The following IL1RAPL2 variants were observed in gnomAD, a reference collection of about 807,000 sequenced individuals.
The protein encoded by IL1RAPL2 is interleukin 1 receptor accessory protein like 2.
Under a neutral mutation model 44.1 loss-of-function variants are expected in IL1RAPL2, and 3 were observed. That is an observed-to-expected ratio of 0.07 (90% CI 0.03 to 0.18). The LOEUF is 0.18. Among genes scored for constraint, IL1RAPL2 ranks in the 10% least tolerant of loss-of-function variants. IL1RAPL2 has a pLI of 1.00. For synonymous variants in IL1RAPL2, 181 were observed against 178.8 expected, an observed-to-expected ratio of 1.01 and a Z score of -0.10; for missense variants, 391 against 496.4, an observed-to-expected ratio of 0.79 and a Z score of 2.02.
chrX:105,489,705 T>TTTCC (rs1278694212), intron 6 of IL1RAPL2, among the ~76,000 whole-genome samples: 3 of 108,729 alleles, frequency 2.8e-5, no homozygotes, highest in African/African-American at 6.8e-5. Flanking sequence ...TTTCTTTTTC[T>TTTCC]TTCCTTCCTT....
chrX:104,744,286 T>A (rs1811003576), intron 2 of IL1RAPL2, among the ~76,000 whole-genome samples: 1 of 111,632 alleles, frequency 9.0e-6, no homozygotes, highest in African/African-American at 3.2e-5. Flanking sequence ...CATTTAAATA[T>A]TTATGAAAAT....
At chrX:104,602,328 C>G (rs147761252) in intron 1 of IL1RAPL2, among the ~76,000 whole-genome samples, 29 of 111,707 alleles carry the variant, frequency 2.6e-4, no homozygotes, top group South Asian at 1.1e-3. Flanking sequence ...ATTCACAACC[C>G]GCAAACCAGG....
chrX:104,949,602 G>T (rs1276124339), intron 2 of IL1RAPL2, among the ~76,000 whole-genome samples: 1 of 107,501 alleles, frequency 9.3e-6, no homozygotes, highest in African/African-American at 3.4e-5. Flanking sequence ...GCATCCCAGA[G>T]ATTCTGGTAT....
intron 2 of IL1RAPL2, among the ~76,000 whole-genome samples, chrX:104,818,393 A>C (rs1383171052): frequency 9.2e-6 from 1 of 108,355 alleles, no homozygotes; most frequent in African/African-American, 3.4e-5. Flanking sequence ...TGGAGATCAC[A>C]GAATTGTGAT....
intron 2 of IL1RAPL2, among the ~76,000 whole-genome samples, chrX:104,677,436 A>C (rs1930793890): frequency 9.0e-6 from 1 of 111,168 alleles, no homozygotes; most frequent in Admixed American, 9.5e-5. Flanking sequence ...GACCCACTTG[A>C]GGAGGCAGTC....
intron 2 of IL1RAPL2, among the ~76,000 whole-genome samples, chrX:104,863,290 A>C (rs1397766371): frequency 1.8e-5 from 2 of 111,747 alleles, no homozygotes; most frequent in Non-Finnish European, 3.8e-5. Context: ...CAGTTGATAA[A>C]TGTGGATCAT....
intron 1 of IL1RAPL2, among the ~76,000 whole-genome samples, chrX:104,599,164 T>G (rs1928824136): frequency 8.9e-6 from 1 of 112,219 alleles, no homozygotes; most frequent in African/African-American, 3.2e-5. Context: ...CCATAGGACC[T>G]GGAAGAATGA....
chrX:105,226,715 T>C (rs1482378607), intron 3 of IL1RAPL2, among the ~76,000 whole-genome samples: 2 of 110,365 alleles, frequency 1.8e-5, no homozygotes, highest in Non-Finnish European at 3.8e-5. Flanking sequence ...GTTACCATTC[T>C]TAACACTTGC....
intron 2 of IL1RAPL2, among the ~76,000 whole-genome samples, chrX:105,068,313 A>G (rs1331663819): frequency 9.0e-6 from 1 of 111,423 alleles, no homozygotes. Flanking sequence ...ACAGTCTTTT[A>G]TTAGTAAAGT....
chrX:104,791,587 T>C (rs1932826643), intron 2 of IL1RAPL2, among the ~76,000 whole-genome samples: 1 of 111,739 alleles, frequency 8.9e-6, no homozygotes, highest in Non-Finnish European at 1.9e-5. Context: ...CCAGGAGAAA[T>C]GATGATCTTT....
At chrX:105,003,752 T>C (rs2030893380) in intron 2 of IL1RAPL2, among the ~76,000 whole-genome samples, 1 of 110,366 alleles carries the variant, frequency 9.1e-6, no homozygotes, top group Non-Finnish European at 1.9e-5. Context: ...TTGTTACTCA[T>C]GTTATTTTTC....
chrX:105,229,683 AACGAAC>A (rs1556193465), intron 3 of IL1RAPL2, among the ~76,000 whole-genome samples: 1 of 112,166 alleles, frequency 8.9e-6, no homozygotes, highest in Non-Finnish European at 1.9e-5. Flanking sequence ...GAGGTCAGGG[AACGAAC>A]ACATGAATGG....
At chrX:104,772,464 C>T (rs1932655475) in intron 2 of IL1RAPL2, among the ~76,000 whole-genome samples, 1 of 111,895 alleles carries the variant, frequency 8.9e-6, no homozygotes, top group Non-Finnish European at 1.9e-5. Context: ...TTATTTGGCT[C>T]AGACCTAAAG....
intron 5 of IL1RAPL2, among the ~76,000 whole-genome samples, chrX:105,296,214 A>G (rs1440523825): frequency 9.0e-6 from 1 of 110,840 alleles, no homozygotes; most frequent in Non-Finnish European, 1.9e-5. Flanking sequence ...GCTTAATTGT[A>G]CTACTTACTC....
At chrX:105,692,770 G>A (rs750385939) in intron 6 of IL1RAPL2, among the ~76,000 whole-genome samples, 5 of 110,717 alleles carry the variant, frequency 4.5e-5, no homozygotes, top group Non-Finnish European at 7.6e-5. Flanking sequence ...GCCAGAGGGG[G>A]CTATCGTAGG....
intron 7 of IL1RAPL2, among the ~76,000 whole-genome samples, chrX:105,733,516 G>T (rs1217504210): frequency 2.7e-5 from 3 of 110,837 alleles, no homozygotes; most frequent in Non-Finnish European, 3.8e-5. Context: ...TTTCGTAATT[G>T]TTCCTAAACT....
chrX:104,942,132 ATGATGCCTCCAGCTTTG>A (rs2147703335), intron 2 of IL1RAPL2, among the ~76,000 whole-genome samples: 1 of 111,893 alleles, frequency 8.9e-6, no homozygotes, highest in Admixed American at 9.5e-5. Flanking sequence ...GTCAGGTAGC[ATGATGCCTCCAGCTTTG>A]TTCTTTTGGC....
chrX:105,489,578 A>C (rs184870806), intron 6 of IL1RAPL2, among the ~76,000 whole-genome samples: 1 of 111,431 alleles, frequency 9.0e-6, no homozygotes, highest in East Asian at 2.9e-4. Context: ...GAGATCTGCT[A>C]TCTAATTTTA....
intron 2 of IL1RAPL2, among the ~76,000 whole-genome samples, chrX:105,107,880 T>C (rs1377624199): frequency 9.0e-6 from 1 of 111,669 alleles, no homozygotes; most frequent in African/African-American, 3.3e-5. Flanking sequence ...TTTAGTAGTA[T>C]TCTCCATAGT....
Sources: gnomAD v4.1 joint callset for allele counts (sites outside exome capture counted in the v4.1 genomes callset) on GRCh38, gnomAD v4.1.1 for gene constraint, MANE v1.5 for transcripts, NCBI Gene and HGNC (gene_info 2026-07-23, HGNC 2026-07-21) for gene names.